Variants in CHMP3 observed in about 807,000 individuals in gnomAD.
The protein encoded by CHMP3 is 25.1 protein.
In CHMP3, 8 loss-of-function variants were observed where a neutral mutation model predicts 27.4. The ratio of observed to expected loss-of-function variants is 0.29; its 90% CI spans 0.17 to 0.53. The LOEUF (loss-of-function observed/expected upper bound fraction) is 0.53, where lower values mean the gene tolerates loss of function less well. Among genes scored for constraint, CHMP3 ranks in the 20% least tolerant of loss-of-function variants. CHMP3 has a pLI of 0.96. For missense variants in CHMP3, 208 were observed against 271.5 expected, an observed-to-expected ratio of 0.77 and a Z score of 1.64; for synonymous variants, 86 against 85.5, an observed-to-expected ratio of 1.01 and a Z score of -0.03.
chr2:86,508,817 T>C (rs528722325), intron 4 of CHMP3, among the ~76,000 whole-genome samples: 8 of 152,316 alleles, frequency 5.3e-5, no homozygotes, highest in African/African-American at 1.9e-4. Context: ...CATATTCATG[T>C]TCACCCAGGT....
chr2:86,542,918 T>C (rs970129402), intron 1 of CHMP3: 6 of 152,226 alleles, frequency 3.9e-5, no homozygotes, highest in Non-Finnish European at 8.8e-5. Flanking sequence ...AGTGAACTGT[T>C]TTCCAATTCT....
At chr2:86,544,313 G>A (rs1308659842) in intron 1 of CHMP3, among the ~76,000 whole-genome samples, 2 of 150,448 alleles carry the variant, frequency 1.3e-5, no homozygotes, top group Non-Finnish European at 3.0e-5. Context: ...GTGTGAAGTG[G>A]TATCTCACTG....
chr2:86,503,810 GGGCTGGA>G lies in CHMP3; in HGVS notation c.*1987_*1993del, dbSNP rs1674788223. 1 of 152,210 alleles carries G rather than the reference GGGCTGGA, an allele frequency of 6.6e-6. No individual in the cohort carries two copies. The highest frequency in any genetic ancestry group is 2.4e-5 in the African/African-American group (1 of 41,430). 9.4% of individuals were successfully genotyped at this position (152,210 alleles called of 1,614,324 possible). A position where few individuals can be genotyped will look rare whatever the true frequency, so the allele number is the denominator to read the frequency against. The stretch of plus-strand genomic sequence containing the variant: ...CATGTCCTTTGCAGGAACATGGATG[GGGCTGGA>G]GGCCATTATCCTTAACAAACTAACA... On this transcript the variant is annotated 3_prime_UTR_variant, in exon 6 of 6. Transcript: ENST00000263856.
chr2:86,508,884 G>A (rs1346571446), intron 4 of CHMP3, among the ~76,000 whole-genome samples: 1 of 152,196 alleles, frequency 6.6e-6, no homozygotes, highest in African/African-American at 2.4e-5. Context: ...TACCATAAAA[G>A]AAGTGCAATA....
intron 3 of CHMP3, among the ~76,000 whole-genome samples, chr2:86,514,175 T>C (rs1055394644): frequency 1.3e-5 from 2 of 152,224 alleles, no homozygotes; most frequent in Admixed American, 1.3e-4. Flanking sequence ...GAAAGGCCCA[T>C]GTCCCATGTA....
intron 3 of CHMP3, among the ~76,000 whole-genome samples, chr2:86,515,736 A>G (rs111956818): frequency 2.2e-4 from 33 of 152,334 alleles, no homozygotes; most frequent in African/African-American, 7.7e-4. Flanking sequence ...TGAATTTAAC[A>G]CTGAGGTGAT....
chr2:86,535,134 T>C (rs915999315), intron 2 of CHMP3, among the ~76,000 whole-genome samples: 1 of 151,736 alleles, frequency 6.6e-6, no homozygotes, highest in African/African-American at 2.4e-5. Flanking sequence ...CATGCATCTA[T>C]AGTCCCAGGT....
chr2:86,548,503 G>T (rs1202845450), intron 1 of CHMP3, among the ~76,000 whole-genome samples: 1 of 152,138 alleles, frequency 6.6e-6, no homozygotes, highest in African/African-American at 2.4e-5. Context: ...ACGGGGTTGG[G>T]GGTAAGGTTA....
rs1462177835 is a variant in CHMP3 at position 86,507,571 on chromosome 2, A to G, written c.431T>C (p.Leu144Ser). ...GTCCATGCTTTCAAAAGTGTCCTCT[A>G]ACATCTCCTCTATGATCCCAGCCTA... Reference protein sequence around the residue: ...MMKAGIIEEMLEDTFESMDDQ... With the variant: ...MMKAGIIEEMSEDTFESMDDQ... Residue 144 changes from leucine to serine, a missense_variant, in exon 5 of 6, where the codon TTA becomes TCA. This residue lies in a region of CHMP3 where 94 missense variants were observed against 159.6 expected (regional missense o/e 0.59). Coordinates refer to ENST00000263856, the MANE Select transcript of CHMP3 (RefSeq NM_016079.4). The G allele has an allele frequency of 3.1e-6, 5 of 1,614,002 alleles. No individual in the cohort carries two copies. The highest frequency in any genetic ancestry group is 4.2e-6 in the Non-Finnish European group (5 of 1,180,004).
chr2:86,556,664 G>A (rs1677134668), intron 1 of CHMP3, among the ~76,000 whole-genome samples: 1 of 152,186 alleles, frequency 6.6e-6, no homozygotes. Flanking sequence ...CTCTCTCGGG[G>A]AAGGCGGGGA....
At chr2:86,519,647 TAAC>T (rs1176426272) in intron 3 of CHMP3, among the ~76,000 whole-genome samples, 1 of 152,190 alleles carries the variant, frequency 6.6e-6, no homozygotes, top group Non-Finnish European at 1.5e-5. Flanking sequence ...TTCATATGAA[TAAC>T]AACTAAAATA....
At chr2:86,534,655 A>C (rs1676055773) in intron 2 of CHMP3, among the ~76,000 whole-genome samples, 1 of 152,210 alleles carries the variant, frequency 6.6e-6, no homozygotes, top group African/African-American at 2.4e-5. Context: ...TACTGTATAC[A>C]AAAATATGTA....
chr2:86,546,532 C>T (rs945192080), intron 1 of CHMP3, among the ~76,000 whole-genome samples: 4 of 151,526 alleles, frequency 2.6e-5, no homozygotes, highest in African/African-American at 7.3e-5. Flanking sequence ...CCACCTCCAG[C>T]GTTTAAGTGA....
At chr2:86,536,486 A>C (rs944124555) in intron 2 of CHMP3, among the ~76,000 whole-genome samples, 4 of 152,058 alleles carry the variant, frequency 2.6e-5, no homozygotes, top group Middle Eastern at 3.4e-3. Context: ...CTAGACATAA[A>C]ATTTTGGTTG....
intron 3 of CHMP3, among the ~76,000 whole-genome samples, chr2:86,516,808 C>T (rs1166230470): frequency 6.6e-6 from 1 of 152,178 alleles, no homozygotes; most frequent in East Asian, 1.9e-4. Flanking sequence ...ATTTATACAA[C>T]ATTCTTAAAG....
At chr2:86,519,347 A>G (rs1020612909) in intron 3 of CHMP3, among the ~76,000 whole-genome samples, 1 of 150,120 alleles carries the variant, frequency 6.7e-6, no homozygotes, top group Admixed American at 6.7e-5. Flanking sequence ...CCTGGGCAAC[A>G]AGAGCAAAAC....
chr2:86,536,122 A>C (rs1487836176), intron 2 of CHMP3, among the ~76,000 whole-genome samples: 2 of 148,350 alleles, frequency 1.3e-5, no homozygotes, highest in Admixed American at 1.3e-4. Flanking sequence ...CAGCCTCCCA[A>C]GTAGCTGGGA....
intron 3 of CHMP3, among the ~76,000 whole-genome samples, chr2:86,525,532 CAAAA>C (rs1242579774): frequency 9.8e-6 from 1 of 101,706 alleles, no homozygotes; most frequent in Admixed American, 1.0e-4. Context: ...GATCTTGTCT[CAAAA>C]AAAAAAAAAA....
intron 3 of CHMP3, among the ~76,000 whole-genome samples, chr2:86,522,760 T>C (rs1246103489): frequency 6.6e-6 from 1 of 152,154 alleles, no homozygotes; most frequent in African/African-American, 2.4e-5. Context: ...CACTGCACTG[T>C]CCCTCCCTGC....
Sources: allele counts gnomAD v4.1 joint callset (sites outside exome capture counted in the v4.1 genomes callset), GRCh38; gene constraint gnomAD v4.1.1; regional missense constraint gnomAD v4.1.1; transcripts MANE v1.5; gene names NCBI Gene and HGNC (gene_info 2026-07-23, HGNC 2026-07-21).